Variants in JAKMIP3 observed in about 807,000 individuals in gnomAD.
The protein encoded by JAKMIP3 is Janus kinase and microtubule interacting protein 3.
In JAKMIP3, 58 loss-of-function variants were observed where a neutral mutation model predicts 118.5. The ratio of observed to expected loss-of-function variants is 0.49; its 90% CI spans 0.40 to 0.61. The LOEUF (loss-of-function observed/expected upper bound fraction) is 0.61, where lower values mean the gene tolerates loss of function less well. JAKMIP3 is among the 20% of genes least tolerant of loss of function. JAKMIP3 has a pLI of 0.00. For missense variants in JAKMIP3, 950 were observed against 1,109.0 expected, an observed-to-expected ratio of 0.86 and a Z score of 2.04; for synonymous variants, 486 against 451.2, an observed-to-expected ratio of 1.08 and a Z score of -0.98.
rs115470292 is a variant in JAKMIP3 at position 132,124,389 on chromosome 10, C to T, written c.633+6815C>T. ...CCCGGCACATCACAACTGAGTCGGC[C>T]GGCCACACCGCACACATCCATTGCC... On this transcript the variant is annotated intron_variant, in intron 3 of 23. Coordinates refer to ENST00000684848, the MANE Select transcript of JAKMIP3 (RefSeq NM_001323087.2). Among the ~76,000 whole-genome samples the T allele has an allele frequency of 9.0e-3, 1,355 of 151,254 alleles. 26 individuals carry two copies. Among genetic ancestry groups the T allele is most frequent in the African/African-American group, 0.03 (1,243 of 41,324 alleles).
At chr10:132,050,657 C>T (rs1050818599) in intron 1 of JAKMIP3, among the ~76,000 whole-genome samples, 2 of 152,136 alleles carry the variant, frequency 1.3e-5, no homozygotes, top group African/African-American at 4.8e-5. Context: ...ATTATGGTAA[C>T]AGCCTACATT....
At chr10:132,146,131 C>T (rs1231204572) in intron 13 of JAKMIP3, among the ~76,000 whole-genome samples, 4 of 132,846 alleles carry the variant, frequency 3.0e-5, no homozygotes, top group Non-Finnish European at 5.0e-5. Context: ...GCTGCCCCGC[C>T]CCCACCCCCA....
intron 6 of JAKMIP3, among the ~76,000 whole-genome samples, chr10:132,136,743 G>A (rs1220493779): frequency 5.9e-5 from 9 of 152,152 alleles, no homozygotes; most frequent in East Asian, 1.9e-4. Context: ...GGCTGTGAGC[G>A]ATCCCCTCCA....
chr10:132,039,059 G>A (rs950300326), intron 1 of JAKMIP3, among the ~76,000 whole-genome samples: 2 of 152,240 alleles, frequency 1.3e-5, no homozygotes, highest in Non-Finnish European at 2.9e-5. Flanking sequence ...TTCAGCAAGG[G>A]AGGAGGTACA....
rs2136222439 is a variant in JAKMIP3, at chr10:132,153,629, T to C, written c.2074-130T>C. 5.8e-6 allele frequency: 5 copies of C among 863,938 alleles called. No individual in the cohort carries two copies. In the Admixed American group the frequency reaches 9.0e-5, roughly 16 times the overall value. 53.5% of individuals were successfully genotyped at this position (863,938 alleles called of 1,614,324 possible). On this transcript the variant is annotated intron_variant, in intron 17 of 23. Transcript: ENST00000684848. ...GCAGCCTCAACTCCCTGGAGAGGGCTGTGCTCTCCCCTCCCTAAGGAGAAG... is the reference window on the plus strand; with the variant it reads ...GCAGCCTCAACTCCCTGGAGAGGGCCGTGCTCTCCCCTCCCTAAGGAGAAG...
At chr10:132,111,403 C>T (rs1045384441) in intron 2 of JAKMIP3, among the ~76,000 whole-genome samples, 6 of 152,172 alleles carry the variant, frequency 3.9e-5, no homozygotes, top group African/African-American at 1.2e-4. Flanking sequence ...CCAGGTGGGG[C>T]TAGAGCCCAG....
intron 1 of JAKMIP3, among the ~76,000 whole-genome samples, chr10:132,079,155 G>A (rs2041367009): frequency 8.4e-6 from 1 of 119,478 alleles, no homozygotes. Context: ...GGGAGCGGAC[G>A]GCCCAGCCCC....
chr10:132,094,560 G>T (rs1355108330), intron 1 of JAKMIP3, among the ~76,000 whole-genome samples: 2 of 152,134 alleles, frequency 1.3e-5, no homozygotes, highest in Non-Finnish European at 2.9e-5. Flanking sequence ...AAGTCTACCA[G>T]GCTCTGGGCT....
intron 23 of JAKMIP3, among the ~76,000 whole-genome samples, chr10:132,180,664 T>G (rs1473078714): frequency 3.2e-5 from 1 of 31,662 alleles, no homozygotes. Flanking sequence ...TGTGCGTGTG[T>G]GCGTGTGTGT....
rs1047023960 is a variant in JAKMIP3 at position 132,168,154 on chromosome 10, A to T, written c.*224A>T. 7 of 1,283,546 alleles carry T rather than the reference A, an allele frequency of 5.5e-6. No homozygotes were observed. The highest frequency in any genetic ancestry group is 1.5e-5 in the African/African-American group (1 of 65,120). 79.5% of individuals were successfully genotyped at this position (1,283,546 alleles called of 1,614,324 possible). On this transcript the variant is annotated 3_prime_UTR_variant, in exon 23 of 24. Transcript: ENST00000684848. ...GCCAGAACTAGAACTGGCTCTGCCG[A>T]CTTCTCGGGGGCTTCTCCGGGACGG...
intron 3 of JAKMIP3, among the ~76,000 whole-genome samples, chr10:132,124,043 T>C (rs1484269200): frequency 6.6e-6 from 1 of 152,210 alleles, no homozygotes; most frequent in Admixed American, 6.5e-5. Context: ...ACGCCTGGCA[T>C]CAGGGTTCGC....
chr10:132,081,676 T>G (rs1589768318), intron 1 of JAKMIP3, among the ~76,000 whole-genome samples: 1 of 152,104 alleles, frequency 6.6e-6, no homozygotes, highest in African/African-American at 2.4e-5. Flanking sequence ...CCTGTTCTTT[T>G]ATGTACAGCA....
chr10:132,064,271 T>G (rs1244697230), upstream of JAKMIP3, among the ~76,000 whole-genome samples: 2 of 152,202 alleles, frequency 1.3e-5, no homozygotes, highest in African/African-American at 4.8e-5. The surrounding 1 kb of genome is among the most constrained non-coding windows in gnomAD (Gnocchi z 4.4). Flanking sequence ...TATAAAGTAT[T>G]TGGACTAAAG....
chr10:132,108,661 C>G (rs1359948868), intron 2 of JAKMIP3, among the ~76,000 whole-genome samples: 2 of 151,968 alleles, frequency 1.3e-5, no homozygotes, highest in Middle Eastern at 6.8e-3. Flanking sequence ...TCCTGTCTCC[C>G]ACTGGTGCCT....
intron 1 of JAKMIP3, among the ~76,000 whole-genome samples, chr10:132,041,721 C>T (rs1205873742): frequency 2.6e-5 from 4 of 152,248 alleles, no homozygotes; most frequent in Admixed American, 6.5e-5. Flanking sequence ...AGAATTTCAT[C>T]GTCCGTTATA....
intron 2 of JAKMIP3, among the ~76,000 whole-genome samples, chr10:132,106,532 G>A (rs1429685314): frequency 6.6e-6 from 1 of 152,150 alleles, no homozygotes; most frequent in Non-Finnish European, 1.5e-5. Context: ...GGGGAGTGTT[G>A]CTGAGGCTTC....
chr10:132,070,204 G>A (rs1250253638), intron 1 of JAKMIP3, among the ~76,000 whole-genome samples: 5 of 152,038 alleles, frequency 3.3e-5, no homozygotes, highest in Non-Finnish European at 7.4e-5. Flanking sequence ...CTGGGGTGCA[G>A]TGGCGCGTTC....
At chr10:132,150,959 T>A (rs1802834534) in intron 16 of JAKMIP3, among the ~76,000 whole-genome samples, 1 of 151,954 alleles carries the variant, frequency 6.6e-6, no homozygotes. Flanking sequence ...CATCTATCTA[T>A]CATCCATCAT....
rs969434375 is a variant in JAKMIP3, at chr10:132,112,555, C to T, written c.136-4522C>T. On this transcript the variant is annotated intron_variant, in intron 2 of 23. Coordinates refer to ENST00000684848, the MANE Select transcript of JAKMIP3 (RefSeq NM_001323087.2). The surrounding 1 kb of genome is among the most constrained non-coding windows in gnomAD (Gnocchi z 4.3). ...TTCTTTTCTTCAGTGTTTTTGTCTA[C>T]AAAGTCCCGCTTGGCTCTGTGTTCA... Among the ~76,000 whole-genome samples the T allele has an allele frequency of 6.6e-6, 1 of 152,196 alleles. No homozygotes were observed. The highest frequency in any genetic ancestry group is 2.4e-5 in the African/African-American group (1 of 41,438).
Sources: allele counts gnomAD v4.1 joint callset (sites outside exome capture counted in the v4.1 genomes callset), GRCh38; gene constraint gnomAD v4.1.1; non-coding constraint Gnocchi (gnomAD v3.1); transcripts MANE v1.5; gene names NCBI Gene and HGNC (gene_info 2026-07-23, HGNC 2026-07-21).